Variants in NTNG2 observed in about 807,000 individuals in gnomAD.
NTNG2 encodes the protein netrin-G2.
Under a neutral mutation model 47.6 loss-of-function variants are expected in NTNG2, and 15 were observed. The observed-to-expected ratio is 0.32, with a 90% CI of 0.21 to 0.49. The LOEUF is 0.49. Among genes scored for constraint, NTNG2 ranks in the 20% least tolerant of loss-of-function variants. NTNG2 has a pLI of 0.99. For synonymous variants in NTNG2, 307 were observed against 324.6 expected (o/e 0.95, Z 0.58); for missense variants, 578 against 764.6 (o/e 0.76, Z 2.88).
intron 2 of NTNG2, among the ~76,000 whole-genome samples, chr9:132,177,592 G>A (rs1055025744): frequency 9.9e-5 from 15 of 152,132 alleles, no homozygotes; most frequent in Non-Finnish European, 1.3e-4. Flanking sequence ...CAACCTTGTC[G>A]AAAATCAATT....
intron 5 of NTNG2, among the ~76,000 whole-genome samples, chr9:132,234,755 C>T (rs898624436): frequency 3.9e-5 from 6 of 152,248 alleles, no homozygotes; most frequent in Non-Finnish European, 7.3e-5. Context: ...TCTCATGGCT[C>T]TAATTAAGCC....
intron 2 of NTNG2, among the ~76,000 whole-genome samples, chr9:132,192,926 G>C (rs909127067): frequency 7.2e-5 from 11 of 152,326 alleles, no homozygotes; most frequent in African/African-American, 1.4e-4. Flanking sequence ...TCTGCTTCCC[G>C]GGCCGGGGCG....
chr9:132,239,460 C>T (rs1456748655), intron 6 of NTNG2, among the ~76,000 whole-genome samples, 189 bp downstream of exon 6: 2 of 152,228 alleles, frequency 1.3e-5, no homozygotes, highest in Non-Finnish European at 2.9e-5. Context: ...CTATTAGTAA[C>T]CTACCCTTGC....
At chr9:132,241,229 A>C (rs1362659550) in intron 7 of NTNG2, among the ~76,000 whole-genome samples, 185 bp downstream of exon 7, 5 of 124,756 alleles carry the variant, frequency 4.0e-5, no homozygotes, top group African/African-American at 1.6e-4. Flanking sequence ...GGGCCTCGCG[A>C]GACGGGGCAG....
At chr9:132,206,486 G>GT (rs1165008150) in intron 3 of NTNG2, among the ~76,000 whole-genome samples, 2 of 152,188 alleles carry the variant, frequency 1.3e-5, no homozygotes. Flanking sequence ...GACCAACATG[G>GT]TAAAACCCTG....
In NTNG2 at chr9:132,180,184, G is replaced by A. The variant is rs958424431; in HGVS notation, c.213+13140G>A. On this transcript the variant is annotated intron_variant, in intron 2 of 7. Coordinates refer to ENST00000393229, the MANE Select transcript of NTNG2 (RefSeq NM_032536.4). The surrounding 1 kb of genome is among the most constrained non-coding windows in gnomAD (Gnocchi z 4.2). ...CACTTGACTCCAAGAGTCGGCTGGG[G>A]AAATAAAAGGAAATGAAACACGACC... is the stretch of plus-strand genomic sequence containing the variant. Among the ~76,000 whole-genome samples, 1 of 152,222 alleles carries A rather than the reference G, an allele frequency of 6.6e-6. No homozygotes were observed. The highest frequency in any genetic ancestry group is 2.4e-5 in the African/African-American group (1 of 41,468).
chr9:132,235,868 C>A (rs767670551), intron 5 of NTNG2, among the ~76,000 whole-genome samples: 1 of 152,094 alleles, frequency 6.6e-6, no homozygotes, highest in Non-Finnish European at 1.5e-5. Flanking sequence ...ACTGAGGGCA[C>A]GGGTGTAGAA....
intron 2 of NTNG2, 114 bp downstream of exon 2, chr9:132,167,158 T>G: frequency 1.7e-6 from 2 of 1,163,560 alleles, no homozygotes; most frequent in East Asian, 5.1e-5. Context: ...CTGACTTTCC[T>G]GCCTCTTGAC....
intron 5 of NTNG2, chr9:132,233,039 T>C (rs1841352656): frequency 1.3e-5 from 2 of 152,260 alleles, no homozygotes; most frequent in African/African-American, 2.4e-5. Context: ...AGCCAAAAGA[T>C]TGGAGGATTT....
In NTNG2 at chr9:132,163,188, G is replaced by A. The variant is rs1337585505; in HGVS notation, c.-484+949G>A. Among the ~76,000 whole-genome samples, 1 of 152,184 alleles carries A rather than the reference G, an allele frequency of 6.6e-6. No homozygotes were observed. Among genetic ancestry groups the A allele is most frequent in the Non-Finnish European group, 1.5e-5 (1 of 68,020 alleles). On this transcript the variant is annotated intron_variant, in intron 1 of 7. Transcript: ENST00000393229. The surrounding 1 kb of genome is among the most constrained non-coding windows in gnomAD (Gnocchi z 7.2). ...CGTGGCTTGCACGCAACTTTGGGAA[G>A]ACGAAAAGCAGCTGCGGGGCTGCCG... is the stretch of plus-strand genomic sequence containing the variant.
At chr9:132,191,850 C>T (rs1452578388) in intron 2 of NTNG2, among the ~76,000 whole-genome samples, 2 of 152,224 alleles carry the variant, frequency 1.3e-5, no homozygotes, top group African/African-American at 4.8e-5. Context: ...GGATTACGGG[C>T]GTGAGCCACC....
At chr9:132,171,523 G>C (rs1240225258) in intron 2 of NTNG2, among the ~76,000 whole-genome samples, 1 of 152,198 alleles carries the variant, frequency 6.6e-6, no homozygotes, top group African/African-American at 2.4e-5. Context: ...CCTTGGCTTT[G>C]GTGGACAGGA....
rs557143048 is a variant in NTNG2, at chr9:132,212,642, C to G, written c.857+14033C>G. ...TGTTGGTTCCTCGCTTTCTCAGGAT[C>G]TCAGGTTTGAATGGCAGTCCTTTGA... On this transcript the variant is annotated intron_variant, in intron 3 of 7. Coordinates refer to ENST00000393229, the MANE Select transcript of NTNG2 (RefSeq NM_032536.4). 4.6e-5 allele frequency among the ~76,000 whole-genome samples: 7 copies of G among 152,220 alleles called. No individual in the cohort carries two copies. The South Asian group carries it at 8.3e-4, about 18-fold the overall frequency.
intron 3 of NTNG2, among the ~76,000 whole-genome samples, chr9:132,201,323 G>GGCCC (rs1371251859): frequency 6.6e-6 from 1 of 152,282 alleles, no homozygotes. Flanking sequence ...GCCTCTGCGG[G>GGCCC]CGGCGGGGAG....
At chr9:132,193,709 C>T (rs377308810) in intron 2 of NTNG2, among the ~76,000 whole-genome samples, 1 of 152,162 alleles carries the variant, frequency 6.6e-6, no homozygotes, top group Non-Finnish European at 1.5e-5. Context: ...CCGGCCTGTT[C>T]CCTCTTTGCT....
Position 132,201,778 on chromosome 9 carries a change from A to G in NTNG2, c.857+3169A>G, listed in dbSNP as rs187918973. Among the ~76,000 whole-genome samples, 3 of 152,284 alleles carry G rather than the reference A, an allele frequency of 2.0e-5. No homozygotes were observed. The East Asian group carries it at 5.8e-4, about 29-fold the overall frequency. ...TCATGTGTATTTTCTTGTTTAATCA[A>G]TAGCCGTTTAATTCCCCAATGGTTA... On this transcript the variant is annotated intron_variant, in intron 3 of 7. Transcript: ENST00000393229.
intron 2 of NTNG2, among the ~76,000 whole-genome samples, chr9:132,192,572 T>C (rs1036067088): frequency 6.6e-6 from 1 of 152,080 alleles, no homozygotes; most frequent in Non-Finnish European, 1.5e-5. Context: ...GCCTGGGCCA[T>C]GGAGCAAGAT....
At chr9:132,240,255 C>G (rs1841894421) in intron 6 of NTNG2, among the ~76,000 whole-genome samples, 1 of 152,274 alleles carries the variant, frequency 6.6e-6, no homozygotes, top group African/African-American at 2.4e-5. Flanking sequence ...ATCAAAGCCG[C>G]TGACGTCACA....
intron 4 of NTNG2, among the ~76,000 whole-genome samples, chr9:132,229,992 G>A (rs191015091): frequency 1.3e-5 from 2 of 152,342 alleles, no homozygotes; most frequent in African/African-American, 4.8e-5. Flanking sequence ...TCCCCAAGCC[G>A]TGTGTCCTCA....
Sources: allele counts gnomAD v4.1 joint callset (sites outside exome capture counted in the v4.1 genomes callset), GRCh38; gene constraint gnomAD v4.1.1; non-coding constraint Gnocchi (gnomAD v3.1); transcripts MANE v1.5; gene names NCBI Gene and HGNC (gene_info 2026-07-23, HGNC 2026-07-21).